TP63: variants seen among roughly 807,000 people sequenced by gnomAD.
TP63 encodes the protein tumor protein p63, also known as tumor protein 63.
Under a neutral mutation model 82.8 loss-of-function variants are expected in TP63, and 17 were observed. That is an observed-to-expected ratio of 0.21 (90% CI 0.14 to 0.31). TP63 has a LOEUF of 0.31. TP63 is among the 10% of genes least tolerant of loss of function. TP63 has a pLI of 1.00. For synonymous variants in TP63, 330 were observed against 321.7 expected, an observed-to-expected ratio of 1.03 and a Z score of -0.28; for missense variants, 648 against 895.3, an observed-to-expected ratio of 0.72 and a Z score of 3.52.
chr3:189,731,181 G>A (rs545174555), intron 1 of TP63, among the ~76,000 whole-genome samples: 57 of 151,894 alleles, frequency 3.8e-4, no homozygotes, highest in Non-Finnish European at 5.9e-4. Context: ...CCATCTCTAC[G>A]AAAAATACAA....
chr3:189,759,673 A>G (rs1422703897), intron 3 of TP63, among the ~76,000 whole-genome samples: 1 of 152,232 alleles, frequency 6.6e-6, no homozygotes, highest in East Asian at 1.9e-4. Flanking sequence ...ATTTTAAAAC[A>G]TGGAATCAAT....
At chr3:189,709,919 A>G (rs1362296508) in intron 1 of TP63, among the ~76,000 whole-genome samples, 1 of 152,172 alleles carries the variant, frequency 6.6e-6, no homozygotes, top group Non-Finnish European at 1.5e-5. Context: ...CCTTGTTTAT[A>G]CTTTTTAGGA....
At chr3:189,616,453 A>G in the TP63 span, among the ~76,000 whole-genome samples, 1 of 152,324 alleles carries the variant, frequency 6.6e-6, no homozygotes, top group Non-Finnish European at 1.5e-5. Context: ...CCTTGCTACA[A>G]CAAATAATGA....
intron 1 of TP63, among the ~76,000 whole-genome samples, chr3:189,674,461 CAG>C (rs1243474063): frequency 1.3e-5 from 2 of 152,166 alleles, no homozygotes; most frequent in East Asian, 3.9e-4. Context: ...CAAAGTAAGA[CAG>C]GGACACAGAA....
chr3:189,633,609 C>T (rs1267864352), intron 1 of TP63, among the ~76,000 whole-genome samples: 2 of 151,958 alleles, frequency 1.3e-5, no homozygotes, highest in Non-Finnish European at 2.9e-5. Flanking sequence ...TTTAAATTTT[C>T]CTAGAATGCC....
intron 4 of TP63, among the ~76,000 whole-genome samples, chr3:189,852,993 T>A (rs1715843502): frequency 6.6e-6 from 1 of 152,218 alleles, no homozygotes; most frequent in Non-Finnish European, 1.5e-5. Flanking sequence ...AATTGGTGAA[T>A]AATAACTTCT....
At chr3:189,672,664 AGAAGGAAGGAAGGAAGGAAG>A (rs71173301) in intron 1 of TP63, among the ~76,000 whole-genome samples, 12 of 118,674 alleles carry the variant, frequency 1.0e-4, no homozygotes, top group Non-Finnish European at 1.6e-4. Context: ...AAGGAAGGAA[AGAAGGAAGGAAGGAAGGAAG>A]GAAGGAAGGA....
chr3:189,751,868 T>A (rs1171794217), intron 3 of TP63, among the ~76,000 whole-genome samples: 2 of 152,208 alleles, frequency 1.3e-5, no homozygotes, highest in Non-Finnish European at 2.9e-5. Flanking sequence ...CCATTGCTTT[T>A]GGTGTTTTAA....
chr3:189,611,757 C>T, the TP63 span, among the ~76,000 whole-genome samples: 1 of 152,208 alleles, frequency 6.6e-6, no homozygotes, highest in Non-Finnish European at 1.5e-5. Context: ...TTCTATTTAT[C>T]ACCATGGGAT....
chr3:189,770,202 A>C (rs745573240), intron 3 of TP63, among the ~76,000 whole-genome samples: 1 of 152,200 alleles, frequency 6.6e-6, no homozygotes, highest in Non-Finnish European at 1.5e-5. Context: ...AACCAGACAC[A>C]ATCCTTATCA....
chr3:189,789,707 TA>T, intron 3 of TP63: 9 of 1,468,164 alleles, frequency 6.1e-6, no homozygotes, highest in Non-Finnish European at 8.1e-6. Context: ...TCTTCTTAAG[TA>T]GATTCATATT....
At chr3:189,811,165 A>G (rs1464284941) in intron 4 of TP63, among the ~76,000 whole-genome samples, 3 of 152,222 alleles carry the variant, frequency 2.0e-5, no homozygotes, top group Non-Finnish European at 4.4e-5. Flanking sequence ...AAGTCACTTG[A>G]TCTTTCTAAA....
At chr3:189,884,330 AC>A (rs1720219204) in intron 10 of TP63, among the ~76,000 whole-genome samples, 1 of 151,990 alleles carries the variant, frequency 6.6e-6, no homozygotes, top group South Asian at 2.1e-4. Context: ...TACCTCCTTT[AC>A]CCCTCTTCCA....
intron 1 of TP63, among the ~76,000 whole-genome samples, chr3:189,724,679 G>T (rs1719641503): frequency 2.0e-5 from 3 of 152,202 alleles, no homozygotes; most frequent in African/African-American, 7.2e-5. Context: ...GAGATGTTTT[G>T]CAAGAGTGGA....
At chr3:189,841,570 A>G (rs1714125945) in intron 4 of TP63, among the ~76,000 whole-genome samples, 2 of 152,334 alleles carry the variant, frequency 1.3e-5, no homozygotes, top group East Asian at 1.9e-4. Context: ...TGAAACTCCA[A>G]AACAAGCCAC....
At chr3:189,668,899 T>C (rs1474641116) in intron 1 of TP63, among the ~76,000 whole-genome samples, 1 of 151,672 alleles carries the variant, frequency 6.6e-6, no homozygotes, top group Non-Finnish European at 1.5e-5. Flanking sequence ...CCAGATTTCA[T>C]GAAAAACATT....
intron 1 of TP63, among the ~76,000 whole-genome samples, chr3:189,683,786 A>G (rs1268867849): frequency 6.6e-6 from 1 of 152,122 alleles, no homozygotes; most frequent in Admixed American, 6.6e-5. Flanking sequence ...CCCTCTCCTC[A>G]CTACTTCAGA....
At chr3:189,682,138 T>C (rs1360463306) in intron 1 of TP63, among the ~76,000 whole-genome samples, 5 of 152,112 alleles carry the variant, frequency 3.3e-5, no homozygotes, top group African/African-American at 7.2e-5. Context: ...GAAAATATTC[T>C]AATATATGGC....
At chr3:189,854,891 AG>A (rs1482784464) in intron 4 of TP63, among the ~76,000 whole-genome samples, 1 of 152,238 alleles carries the variant, frequency 6.6e-6, no homozygotes, top group East Asian at 1.9e-4. Flanking sequence ...AAAGTTGGGA[AG>A]ACATGGCAAA....
Sources: gnomAD v4.1 joint callset for allele counts (sites outside exome capture counted in the v4.1 genomes callset) on GRCh38, gnomAD v4.1.1 for gene constraint, MANE v1.5 for transcripts, NCBI Gene and HGNC (gene_info 2026-07-23, HGNC 2026-07-21) for gene names.